DMD: variants seen among roughly 807,000 people sequenced by gnomAD.
DMD encodes the protein dystrophin, also known as mutant dystrophin.
Under a neutral mutation model 330.1 loss-of-function variants are expected in DMD, and 63 were observed. The observed-to-expected ratio is 0.19, with a 90% CI of 0.16 to 0.24. DMD has a LOEUF of 0.24. Among genes scored for constraint, DMD ranks in the 10% least tolerant of loss-of-function variants. The pLI is 1.00. For synonymous variants in DMD, 1,223 were observed against 959.8 expected (o/e 1.27, Z -5.07); for missense variants, 3,344 against 2,684.1 (o/e 1.25, Z -5.43).
chrX:32,903,376 G>A (rs1259626912), intron 2 of DMD, among the ~76,000 whole-genome samples: 3 of 110,041 alleles, frequency 2.7e-5, no homozygotes, highest in Non-Finnish European at 5.7e-5. Flanking sequence ...GGGAATTACA[G>A]CAGAGGAGGC....
At chrX:31,725,775 C>T (rs1174731884) in intron 52 of DMD, among the ~76,000 whole-genome samples, 1 of 111,975 alleles carries the variant, frequency 8.9e-6, no homozygotes, top group Non-Finnish European at 1.9e-5. Flanking sequence ...AGAAACAAGG[C>T]TCTTAAATCC....
chrX:32,205,004 CTCACAT>C (rs200482432), intron 44 of DMD, among the ~76,000 whole-genome samples: 1,117 of 47,750 alleles, frequency 0.023, 32 homozygotes, highest in African/African-American at 0.092. Context: ...CTCTCTCTCT[CTCACAT>C]ACACACACAC....
At chrX:33,032,548 T>C (rs2094133892) in intron 1 of DMD, among the ~76,000 whole-genome samples, 2 of 111,941 alleles carry the variant, frequency 1.8e-5, no homozygotes, top group Admixed American at 1.9e-4. Flanking sequence ...AGCTGAAGAA[T>C]GGGTTTTAAA....
intron 44 of DMD, among the ~76,000 whole-genome samples, chrX:32,061,567 T>C (rs1025030682): frequency 9.0e-6 from 1 of 111,571 alleles, no homozygotes; most frequent in African/African-American, 3.3e-5. Context: ...TAGACGTAAA[T>C]AATTTTTAGC....
intron 62 of DMD, among the ~76,000 whole-genome samples, chrX:31,269,397 A>G (rs746588815): frequency 9.0e-6 from 1 of 111,294 alleles, no homozygotes; most frequent in East Asian, 2.8e-4. Flanking sequence ...GGACATGAAA[A>G]GAGCCTGAAG....
chrX:32,504,413 C>T (rs763957198), intron 18 of DMD, among the ~76,000 whole-genome samples: 2 of 110,825 alleles, frequency 1.8e-5, no homozygotes, highest in Admixed American at 9.6e-5. Flanking sequence ...CACCTGAGGT[C>T]GGGAGTTCGA....
At chrX:32,204,943 A>G (rs762698054) in intron 44 of DMD, among the ~76,000 whole-genome samples, 2 of 100,432 alleles carry the variant, frequency 2.0e-5, no homozygotes, top group East Asian at 6.3e-4. Context: ...TCACATTTCA[A>G]TATAAGATTC....
intron 27 of DMD, among the ~76,000 whole-genome samples, chrX:32,443,328 C>T (rs985211464): frequency 1.6e-4 from 18 of 110,594 alleles, no homozygotes; most frequent in African/African-American, 5.9e-4. Context: ...GCAAACGTAC[C>T]AACCTTTCAT....
rs371728045 is a variant in DMD at position 32,345,989 on chromosome X, A to G, written c.5540T>C (p.Ile1847Thr). The change falls in exon 39 of 79, where the codon ATA becomes ACA. Residue 1847 changes from isoleucine (I) to threonine (T), a missense_variant. By Grantham distance (89) the Ile-to-Thr change is moderately conservative. Transcript: ENST00000357033. ...CTGTAACAGCTGCTGTTTTATCTTT[A>G]TTTCCTCTCGCTTTCTCTCATCTGT... ...RITDERKREEIKIKQQLLQTK... is the reference protein window; with the variant it reads ...RITDERKREETKIKQQLLQTK... 4 of 1,206,529 alleles carry G rather than the reference A, an allele frequency of 3.3e-6. No individual in the cohort carries two copies. Among genetic ancestry groups the G allele is most frequent in the African/African-American group, 3.5e-5 (2 of 56,642 alleles).
intron 47 of DMD, among the ~76,000 whole-genome samples, chrX:31,924,229 G>A (rs767615776): frequency 4.5e-5 from 5 of 111,740 alleles, no homozygotes; most frequent in East Asian, 2.8e-4. Flanking sequence ...TCTATTAATC[G>A]TCATCTTGTG....
intron 1 of DMD, among the ~76,000 whole-genome samples, chrX:33,303,630 C>T (rs1014089842): frequency 9.0e-6 from 1 of 111,126 alleles, no homozygotes; most frequent in East Asian, 2.9e-4. Flanking sequence ...GGTGGTTTCC[C>T]CATGCTATTC....
At chrX:31,719,011 T>G (rs985096220) in intron 52 of DMD, among the ~76,000 whole-genome samples, 1 of 111,661 alleles carries the variant, frequency 9.0e-6, no homozygotes, top group Admixed American at 9.6e-5. Context: ...TATTTTAGAT[T>G]CAGTGCTGTT....
At chrX:31,723,623 AACACACACACACAC>A (rs55718177) in intron 52 of DMD, among the ~76,000 whole-genome samples, 8 of 77,682 alleles carry the variant, frequency 1.0e-4, no homozygotes, top group Admixed American at 1.5e-4. Flanking sequence ...TATCCTCCAC[AACACACACACACAC>A]ACACACACAC....
chrX:32,077,440 T>G (rs770415369), intron 44 of DMD, among the ~76,000 whole-genome samples: 32 of 111,754 alleles, frequency 2.9e-4, no homozygotes, highest in Non-Finnish European at 4.7e-4. Flanking sequence ...CTCTGAAAGT[T>G]ATATAAATGT....
intron 46 of DMD, among the ~76,000 whole-genome samples, chrX:31,930,651 T>C (rs138762080): frequency 0.042 from 4,714 of 112,056 alleles, 89 homozygotes; most frequent in Non-Finnish European, 0.067. Flanking sequence ...CACAAATAGC[T>C]AGTCGTTACA....
chrX:32,586,606 G>A (rs1185760785), intron 13 of DMD, among the ~76,000 whole-genome samples: 2 of 109,475 alleles, frequency 1.8e-5, no homozygotes. Context: ...ACATTACTGT[G>A]TTACATAGGT....
chrX:31,296,361 T>C (rs1005519336), intron 62 of DMD, among the ~76,000 whole-genome samples: 1 of 112,075 alleles, frequency 8.9e-6, no homozygotes, highest in Non-Finnish European at 1.9e-5. Context: ...CTATTGAAAG[T>C]ATCATTGAAA....
chrX:32,627,014 C>T (rs1477491462), intron 11 of DMD, among the ~76,000 whole-genome samples: 13 of 104,498 alleles, frequency 1.2e-4, no homozygotes, highest in Non-Finnish European at 2.1e-4. Context: ...TTCAAAATGA[C>T]GTCCCAGCCC....
At chrX:31,949,894 T>A (rs2095138247) in intron 45 of DMD, among the ~76,000 whole-genome samples, 1 of 110,659 alleles carries the variant, frequency 9.0e-6, no homozygotes, top group Non-Finnish European at 1.9e-5. Flanking sequence ...GTAATTCTTT[T>A]TTTTTTGGTC....
Sources: gnomAD v4.1 joint callset for allele counts (sites outside exome capture counted in the v4.1 genomes callset) on GRCh38, gnomAD v4.1.1 for gene constraint, MANE v1.5 for transcripts, NCBI Gene and HGNC (gene_info 2026-07-23, HGNC 2026-07-21) for gene names.